The following DNAH3 variants were observed in gnomAD, a reference collection of about 807,000 sequenced individuals.
DNAH3 encodes the protein dynein axonemal heavy chain 3, also known as axonemal beta dynein heavy chain 3.
A neutral mutation model predicts 432.5 loss-of-function variants in DNAH3; 332 were observed. That is an observed-to-expected ratio of 0.77 (90% CI 0.70 to 0.84). The LOEUF is 0.84. Ranked by LOEUF, DNAH3 falls within the 40% of genes least tolerant of loss-of-function variation. The pLI, the probability that DNAH3 is intolerant of heterozygous loss-of-function variation, is 0.00. For synonymous variants in DNAH3, 1,956 were observed against 1,900.2 expected (o/e 1.03, Z -0.76); for missense variants, 4,861 against 5,114.0 (o/e 0.95, Z 1.51).
At position 20,964,876 on chromosome 16, in the gene DNAH3, G is replaced by C; in HGVS notation, c.9008C>G (p.Ser3003Ter). 6.2e-7 allele frequency: 1 copy of C among 1,614,132 alleles called. No individual in the cohort carries two copies. Among genetic ancestry groups the C allele is most frequent in the Non-Finnish European group, 8.5e-7 (1 of 1,180,018 alleles). The change falls in exon 53 of 62, where the codon TCA becomes TGA. Residue 3003 changes from serine to a stop codon, truncating the protein, a stop_gained. Coordinates refer to ENST00000261383, the Ensembl canonical transcript of DNAH3. LOFTEE classifies it high-confidence loss of function. The stretch of plus-strand genomic sequence containing the variant: ...AGCGCCCAGGTAAGCCACAGTTCCT[G>C]AGGACAGCAACACGTCACCAGTCAG...
chr16:20,964,679 C>T (rs982172831), exon 53 of DNAH3: 8 of 1,614,170 alleles, frequency 5.0e-6, no homozygotes, highest in Non-Finnish European at 5.9e-6. Context: ...ACAATGATGC[C>T]ATTGTCGATG....
At chr16:20,964,833 C>T (rs1242490876) in exon 53 of DNAH3, 34 of 1,613,954 alleles carry the variant, frequency 2.1e-5, no homozygotes, top group Non-Finnish European at 2.9e-5. Flanking sequence ...GGCACTGGAC[C>T]CGATAATCCA....
chr16:21,024,515 G>A, intron 39 of DNAH3, 81 bp downstream of exon 39: 1 of 983,734 alleles, frequency 1.0e-6, no homozygotes, highest in Non-Finnish European at 1.5e-6. Context: ...GGACTATGAA[G>A]GTGAAGATGT....
chr16:21,119,988 C>G (rs564345827), intron 11 of DNAH3, among the ~76,000 whole-genome samples: 2 of 152,242 alleles, frequency 1.3e-5, no homozygotes, highest in South Asian at 4.1e-4. Context: ...CTGTGCCTAG[C>G]CCCTTTAATA....
intron 9 of DNAH3, among the ~76,000 whole-genome samples, chr16:21,124,918 G>A (rs2092416445): frequency 6.6e-6 from 1 of 152,186 alleles, no homozygotes; most frequent in African/African-American, 2.4e-5. Context: ...CCAAAGTGCT[G>A]AGATTACAGA....
At chr16:21,032,662 A>T (rs2088947352) in intron 36 of DNAH3, among the ~76,000 whole-genome samples, 1 of 151,820 alleles carries the variant, frequency 6.6e-6, no homozygotes, top group Non-Finnish European at 1.5e-5. Flanking sequence ...AAAATACAAA[A>T]ATTAGGCGGG....
At chr16:21,106,901 T>C (rs1287990124) in intron 14 of DNAH3, among the ~76,000 whole-genome samples, 1 of 152,172 alleles carries the variant, frequency 6.6e-6, no homozygotes, top group East Asian at 1.9e-4. Flanking sequence ...ATACCTGTTA[T>C]GTATTAAGCC....
intron 49 of DNAH3, among the ~76,000 whole-genome samples, chr16:20,982,326 C>T (rs1389551021): frequency 6.6e-6 from 1 of 152,082 alleles, no homozygotes; most frequent in Admixed American, 6.6e-5. Flanking sequence ...GCAGAGGTTG[C>T]TGTGAGCTGA....
intron 3 of DNAH3, among the ~76,000 whole-genome samples, chr16:21,144,362 A>T (rs1304905459): frequency 6.6e-6 from 1 of 152,176 alleles, no homozygotes; most frequent in Non-Finnish European, 1.5e-5. Context: ...CTCTAAGGGA[A>T]GCCAGAAGCC....
chr16:20,988,653 A>G (rs1453479129), intron 44 of DNAH3, among the ~76,000 whole-genome samples: 3 of 152,234 alleles, frequency 2.0e-5, no homozygotes, highest in Non-Finnish European at 4.4e-5. Context: ...ATTGTAAAAG[A>G]GTCTATCAAT....
intron 18 of DNAH3, among the ~76,000 whole-genome samples, chr16:21,093,066 C>G (rs1176513772): frequency 6.6e-6 from 1 of 152,052 alleles, no homozygotes; most frequent in Non-Finnish European, 1.5e-5. Context: ...ATAACAACAA[C>G]AATAGCCAAC....
At chr16:21,119,270 C>T (rs1257354431) in intron 11 of DNAH3, among the ~76,000 whole-genome samples, 5 of 152,200 alleles carry the variant, frequency 3.3e-5, no homozygotes, top group Non-Finnish European at 7.3e-5. Context: ...TGAAATACCT[C>T]TTGCTGCTCT....
intron 1 of DNAH3, among the ~76,000 whole-genome samples, chr16:21,154,885 T>G (rs1216372375): frequency 6.6e-6 from 1 of 152,104 alleles, no homozygotes; most frequent in East Asian, 1.9e-4. Flanking sequence ...TCTGACAACT[T>G]TGTGTTGGAT....
intron 53 of DNAH3, among the ~76,000 whole-genome samples, chr16:20,960,661 C>A (rs553478003): frequency 2.0e-5 from 3 of 152,212 alleles, no homozygotes; most frequent in Admixed American, 6.5e-5. Flanking sequence ...GCCGAGATCA[C>A]GCCACTGCAC....
intron 51 of DNAH3, among the ~76,000 whole-genome samples, chr16:20,971,198 T>A (rs972060541): frequency 2.0e-5 from 3 of 152,118 alleles, no homozygotes; most frequent in Admixed American, 2.0e-4. Flanking sequence ...AATCACTTTT[T>A]TTTTTTCTTT....
At chr16:21,103,266 T>C (rs528696887) in intron 16 of DNAH3, among the ~76,000 whole-genome samples, 162 of 146,022 alleles carry the variant, frequency 1.1e-3, no homozygotes, top group African/African-American at 3.8e-3. Flanking sequence ...CACCACTACT[T>C]ACTCATGTAA....
At chr16:21,046,676 TTTAAAG>T (rs1363358793) in intron 31 of DNAH3, among the ~76,000 whole-genome samples, 1 of 152,204 alleles carries the variant, frequency 6.6e-6, no homozygotes, top group Non-Finnish European at 1.5e-5. Flanking sequence ...TCCATTTACA[TTTAAAG>T]TTAATGTTGT....
At chr16:20,951,222 A>G (rs2084294382) in intron 56 of DNAH3, among the ~76,000 whole-genome samples, 1 of 151,952 alleles carries the variant, frequency 6.6e-6, no homozygotes, top group Non-Finnish European at 1.5e-5. Flanking sequence ...AGCTAGTGCC[A>G]TTTCTACCTC....
At chr16:21,070,775 G>C in exon 22 of DNAH3, 3 of 1,613,462 alleles carry the variant, frequency 1.9e-6, no homozygotes, top group Non-Finnish European at 1.7e-6. Flanking sequence ...TTTATCACGT[G>C]ATCATCAAGT....
Sources: allele counts gnomAD v4.1 joint callset (sites outside exome capture counted in the v4.1 genomes callset), GRCh38; gene constraint gnomAD v4.1.1; transcripts MANE v1.5; gene names NCBI Gene and HGNC (gene_info 2026-07-23, HGNC 2026-07-21).